CD47: variants seen among roughly 807,000 people sequenced by gnomAD.
The protein encoded by CD47 is leukocyte surface antigen CD47.
CD47 carries 11 observed loss-of-function variants against 44.6 expected under a neutral mutation model. The observed-to-expected ratio is 0.25, with a 90% confidence interval of 0.16 to 0.41. The LOEUF (loss-of-function observed/expected upper bound fraction) is 0.41. Among genes scored for constraint, CD47 ranks in the 10% least tolerant of loss-of-function variants. The pLI is 1.00. For missense variants in CD47, 306 were observed against 386.7 expected, an observed-to-expected ratio of 0.79 and a Z score of 1.75; for synonymous variants, 140 against 136.3, an observed-to-expected ratio of 1.03 and a Z score of -0.19.
Position 108,079,969 on chromosome 3 carries a change from G to A in CD47, c.400+22C>T, listed in dbSNP as rs760797002. On this transcript the variant is annotated intron_variant, in intron 2 of 10. Transcript: ENST00000361309. Reference sequence around the variant, plus strand: ...GGTTGCACCAGGACAAATAAAAAAAGAAGCTTTCATAGAAGTCTTACCAAC... The same window carrying A: ...GGTTGCACCAGGACAAATAAAAAAAAAAGCTTTCATAGAAGTCTTACCAAC... 8.5e-6 allele frequency: 13 copies of A among 1,525,274 alleles called. No individual in the cohort carries two copies. In the Middle Eastern group the frequency reaches 5.2e-4, roughly 61 times the overall value. The allele number at this position is 1,525,274 out of a possible 1,614,324, so 94.5% of individuals were successfully genotyped here.
At position 108,045,174 on chromosome 3, in the gene CD47, A is replaced by C. The variant is rs563451373; in HGVS notation, c.*2114T>G. 7.2e-5 allele frequency: 11 copies of C among 152,794 alleles called. No homozygotes were observed. In the East Asian group the frequency reaches 2.1e-3, roughly 29 times the overall value. The allele number at this position is 152,794 out of a possible 1,614,324, so 9.5% of individuals were successfully genotyped here. A position where few individuals can be genotyped will look rare whatever the true frequency, so the allele number is the denominator to read the frequency against. ...TGCCTCAAAAGGCAGGCAGCATTAA[A>C]GAGAACACAATGGATGGATGAGATC... On this transcript the variant is annotated 3_prime_UTR_variant, in exon 11 of 11. Transcript: ENST00000361309.
rs563692819 is a variant in CD47, at chr3:108,059,135, C to T, written c.691+317G>A. 6.6e-5 allele frequency among the ~76,000 whole-genome samples: 10 copies of T among 152,224 alleles called. No individual in the cohort carries two copies. The East Asian group carries it at 1.2e-3, about 18-fold the overall frequency. ...GCTTAGCAAAAGAAGAGAAAGACTG[C>T]GTTTAACATCCACTTATAACTTCAA... On this transcript the variant is annotated intron_variant, in intron 5 of 10. Transcript: ENST00000361309.
At chr3:108,060,233 A>G (rs998016397) in intron 4 of CD47, among the ~76,000 whole-genome samples, 2 of 152,246 alleles carry the variant, frequency 1.3e-5, no homozygotes, top group African/African-American at 4.8e-5. Context: ...TGTGAATATT[A>G]CCTAATACAG....
chr3:108,050,899 G>A (rs1359823041), intron 8 of CD47: 2 of 393,446 alleles, frequency 5.1e-6, no homozygotes, highest in East Asian at 6.9e-5. Context: ...ATATGAAAGT[G>A]CAAGCATAAA....
chr3:108,081,857 G>A (rs550693101), intron 1 of CD47, among the ~76,000 whole-genome samples: 1 of 151,890 alleles, frequency 6.6e-6, no homozygotes, highest in Admixed American at 6.6e-5. Flanking sequence ...TCTTTGACTA[G>A]TCCAAATTGT....
At chr3:108,085,709 T>C (rs908742253) in intron 1 of CD47, among the ~76,000 whole-genome samples, 2 of 152,172 alleles carry the variant, frequency 1.3e-5, no homozygotes, top group African/African-American at 2.4e-5. Flanking sequence ...TGTCTTCATT[T>C]GGTATCCTAA....
intron 3 of CD47, among the ~76,000 whole-genome samples, chr3:108,070,065 C>A (rs2079172167): frequency 6.6e-6 from 1 of 152,054 alleles, no homozygotes; most frequent in South Asian, 2.1e-4. Flanking sequence ...TCCAGAATGC[C>A]ATACACTGAG....
At chr3:108,085,257 A>G (rs2079497447) in intron 1 of CD47, among the ~76,000 whole-genome samples, 1 of 152,118 alleles carries the variant, frequency 6.6e-6, no homozygotes, top group Non-Finnish European at 1.5e-5. Flanking sequence ...CACTGAGTAC[A>G]TAGGGTGTAT....
intron 2 of CD47, among the ~76,000 whole-genome samples, chr3:108,073,175 G>C (rs943763998): frequency 2.6e-5 from 4 of 151,820 alleles, no homozygotes; most frequent in African/African-American, 9.7e-5. Context: ...GCCAATATCT[G>C]ATCTCATAGT....
intron 3 of CD47, among the ~76,000 whole-genome samples, chr3:108,064,601 T>C (rs1023178604): frequency 6.6e-6 from 1 of 152,100 alleles, no homozygotes; most frequent in Admixed American, 6.6e-5. Context: ...CCCCAAAGAC[T>C]GGATTTGACA....
chr3:108,058,549 T>C (rs2078957068), intron 5 of CD47, 120 bp from the exon 6 acceptor site: 2 of 588,852 alleles, frequency 3.4e-6, no homozygotes, highest in Non-Finnish European at 5.8e-6. Flanking sequence ...CTGGAGTTCA[T>C]TGTTTGACGG....
rs1004705610 is a variant in CD47 at position 108,045,244 on chromosome 3, G to A, written c.*2044C>T. ...AATGAGAGTTTACTACATATTAAAA[G>A]GTACAACTTTAGTTTATAAAAAATT... is the stretch of plus-strand genomic sequence containing the variant. On this transcript the variant is annotated 3_prime_UTR_variant, in exon 11 of 11. Transcript: ENST00000361309. 2 of 152,490 alleles carry A rather than the reference G, an allele frequency of 1.3e-5. No individual in the cohort carries two copies. Among genetic ancestry groups the A allele is most frequent in the African/African-American group, 4.8e-5 (2 of 41,416 alleles). The allele number at this position is 152,490 out of a possible 1,614,324, so 9.4% of individuals were successfully genotyped here. A position where few individuals can be genotyped will look rare whatever the true frequency, so the allele number is the denominator to read the frequency against.
intron 9 of CD47, among the ~76,000 whole-genome samples, chr3:108,049,872 G>A (rs1445879600): frequency 6.6e-6 from 1 of 152,096 alleles, no homozygotes; most frequent in Non-Finnish European, 1.5e-5. Flanking sequence ...GGTTTACAAA[G>A]AAAGAAAATG....
Position 108,045,288 on chromosome 3 carries a change from T to C in CD47, c.*2000A>G, listed in dbSNP as rs1341677054. ...AAAAATTTTACTATAAAGATTTTCA[T>C]ACCTTTTCTAATAGGAGCTTGGATC... On this transcript the variant is annotated 3_prime_UTR_variant, in exon 11 of 11. Transcript: ENST00000361309. 5 of 152,674 alleles carry C rather than the reference T, an allele frequency of 3.3e-5. No individual in the cohort carries two copies. Among genetic ancestry groups the C allele is most frequent in the African/African-American group, 1.2e-4 (5 of 41,470 alleles). The allele number at this position is 152,674 out of a possible 1,614,324, so 9.5% of individuals were successfully genotyped here. A position where few individuals can be genotyped will look rare whatever the true frequency, so the allele number is the denominator to read the frequency against.
Position 108,044,448 on chromosome 3 carries a change from CAAAAAAAA to C in CD47, c.*2832_*2839del, listed in dbSNP as rs869104856. ...AAAAAAAAAAAAAAAAAAAAAAAAA[CAAAAAAAA>C]AAAACAGAAAGAAAGAAAACTCTCA... On this transcript the variant is annotated 3_prime_UTR_variant, in exon 11 of 11. Transcript: ENST00000361309. 3.3e-5 allele frequency: 2 copies of C among 60,206 alleles called. No homozygotes were observed. Among genetic ancestry groups the C allele is most frequent in the African/African-American group, 5.4e-5 (1 of 18,546 alleles). The allele number at this position is 60,206 out of a possible 1,614,324, so 3.7% of individuals were successfully genotyped here. A position where few individuals can be genotyped will look rare whatever the true frequency, so the allele number is the denominator to read the frequency against.
intron 3 of CD47, among the ~76,000 whole-genome samples, chr3:108,062,392 T>G (rs770201675): frequency 2.0e-5 from 3 of 152,138 alleles, no homozygotes; most frequent in Non-Finnish European, 2.9e-5. Context: ...ATATGTCACA[T>G]TTTCCATTTT....
At chr3:108,047,505 G>C (rs1043652361) in intron 10 of CD47, among the ~76,000 whole-genome samples, 2 of 152,196 alleles carry the variant, frequency 1.3e-5, no homozygotes, top group African/African-American at 4.8e-5. Flanking sequence ...AAAATCAACA[G>C]AGTCTGATAA....
chr3:108,079,878 T>C (rs1413683606), intron 2 of CD47, 113 bp downstream of exon 2: 2 of 652,514 alleles, frequency 3.1e-6, no homozygotes, highest in African/African-American at 3.6e-5. Flanking sequence ...CATTTATTAA[T>C]AACAGCCTGC....
At chr3:108,079,712 C>A (rs1370695723) in intron 2 of CD47, among the ~76,000 whole-genome samples, 1 of 151,488 alleles carries the variant, frequency 6.6e-6, no homozygotes, top group African/African-American at 2.4e-5. Context: ...GACCAATCAG[C>A]CAAATAAAAT....
Sources: gnomAD v4.1 joint callset for allele counts (sites outside exome capture counted in the v4.1 genomes callset) on GRCh38, gnomAD v4.1.1 for gene constraint, MANE v1.5 for transcripts, NCBI Gene and HGNC (gene_info 2026-07-23, HGNC 2026-07-21) for gene names.